The following MCTP2 variants were observed in gnomAD, a reference collection of about 807,000 sequenced individuals.
MCTP2 encodes the protein multiple C2 and transmembrane domain-containing protein 2.
A neutral mutation model predicts 111.6 loss-of-function variants in MCTP2; 132 were observed. The ratio of observed to expected loss-of-function variants is 1.18; its 90% CI spans 1.03 to 1.37. The LOEUF (loss-of-function observed/expected upper bound fraction) is 1.37, where lower values mean the gene tolerates loss of function less well. MCTP2 is among the 40% of genes most tolerant of loss of function. The pLI, the probability that MCTP2 is intolerant of heterozygous loss-of-function variation, is 0.00. For missense variants in MCTP2, 1,183 were observed against 1,067.9 expected, an observed-to-expected ratio of 1.11 and a Z score of -1.50; for synonymous variants, 395 against 387.7, an observed-to-expected ratio of 1.02 and a Z score of -0.22.
intron 19 of MCTP2, among the ~76,000 whole-genome samples, chr15:94,450,631 CTTAT>C (rs1362923283): frequency 6.6e-6 from 1 of 152,042 alleles, no homozygotes; most frequent in African/African-American, 2.4e-5. Context: ...CAAACATATT[CTTAT>C]TTAAAGTCTA....
At chr15:94,402,676 A>T (rs912747174) in intron 17 of MCTP2, 3 of 1,491,746 alleles carry the variant, frequency 2.0e-6, no homozygotes, top group Non-Finnish European at 2.7e-6. Context: ...TTCACTTTAT[A>T]TCTCAGGGCA....
intron 17 of MCTP2, among the ~76,000 whole-genome samples, chr15:94,421,664 C>A (rs2082636000): frequency 6.6e-6 from 1 of 152,106 alleles, no homozygotes; most frequent in Non-Finnish European, 1.5e-5. Flanking sequence ...TTGTTTCTGC[C>A]CTCATGTCTT....
intron 20 of MCTP2, among the ~76,000 whole-genome samples, chr15:94,463,095 G>A (rs778334232): frequency 8.6e-5 from 13 of 152,022 alleles, no homozygotes; most frequent in African/African-American, 1.9e-4. Flanking sequence ...TGAGTGTGTC[G>A]CCCAACTCCA....
intron 11 of MCTP2, 86 bp downstream of exon 11, chr15:94,367,877 TGAAAAACTACATCAAAA>T: frequency 8.4e-7 from 1 of 1,186,886 alleles, no homozygotes; most frequent in Non-Finnish European, 1.2e-6. Context: ...GTCTCTGAAT[TGAAAAACTACATCAAAA>T]GAGATCTTTG....
intron 20 of MCTP2, among the ~76,000 whole-genome samples, chr15:94,468,755 A>G (rs1047485395): frequency 6.6e-6 from 1 of 152,084 alleles, no homozygotes; most frequent in African/African-American, 2.4e-5. Flanking sequence ...CTGCCTCCCA[A>G]GTAGCTGAGA....
At chr15:94,443,047 CTTT>C (rs529237554) in intron 19 of MCTP2, 87 bp downstream of exon 19, 1,420 of 572,660 alleles carry the variant, frequency 2.5e-3, no homozygotes, top group South Asian at 3.3e-3. Flanking sequence ...TCTCTCCTCT[CTTT>C]TTTTTTTTTT....
intron 14 of MCTP2, among the ~76,000 whole-genome samples, chr15:94,388,328 A>T (rs932749028): frequency 3.9e-5 from 6 of 152,048 alleles, no homozygotes; most frequent in Admixed American, 2.6e-4. Context: ...GCTGCTGTTC[A>T]CTCTGTTTCA....
chr15:94,441,674 AC>A (rs1318660647), intron 18 of MCTP2, among the ~76,000 whole-genome samples: 5 of 152,232 alleles, frequency 3.3e-5, no homozygotes, highest in Non-Finnish European at 7.3e-5. Flanking sequence ...GGAGGCAAGA[AC>A]TATTTTCATT....
intron 17 of MCTP2, chr15:94,402,341 T>C: frequency 6.9e-7 from 1 of 1,446,506 alleles, no homozygotes; most frequent in East Asian, 2.5e-5. Context: ...AAAAATGGCA[T>C]CTGAAAAATC....
chr15:94,243,350 CATACGTATGCGTATATGCGTATGTACAT>C lies in MCTP2; in HGVS notation c.-66+11688_-66+11715del, dbSNP rs1567251304. ...GTATGCGTATATGCGTATGTACATA[CATACGTATGCGTATATGCGTATGTACAT>C]ACATACGTATGCGTATATGCGTATG... On this transcript the variant is annotated intron_variant, in intron 1 of 22. Coordinates refer to ENST00000357742, the MANE Select transcript of MCTP2 (RefSeq NM_001385001.1). Among the ~76,000 whole-genome samples the C allele has an allele frequency of 1.4e-3, 212 of 148,526 alleles. 33 individuals carry two copies. Among genetic ancestry groups the C allele is most frequent in the African/African-American group, 1.9e-3 (76 of 40,164 alleles).
intron 2 of MCTP2, among the ~76,000 whole-genome samples, chr15:94,312,651 G>A (rs1256310907): frequency 6.6e-6 from 1 of 152,240 alleles, no homozygotes; most frequent in Non-Finnish European, 1.5e-5. Flanking sequence ...GGGACTGATG[G>A]GGAAAGAGGC....
At chr15:94,309,694 G>T (rs891762343) in intron 2 of MCTP2, among the ~76,000 whole-genome samples, 4 of 152,166 alleles carry the variant, frequency 2.6e-5, no homozygotes, top group African/African-American at 9.7e-5. Context: ...TGCCATTCCA[G>T]TGTCTCCCCA....
intron 3 of MCTP2, 53 bp from the exon 4 acceptor site, chr15:94,315,476 C>A (rs2076337213): frequency 7.6e-7 from 1 of 1,322,168 alleles, no homozygotes; most frequent in Non-Finnish European, 1.1e-6. Flanking sequence ...TTCTGAAATT[C>A]TCTTGCTTGG....
intron 19 of MCTP2, among the ~76,000 whole-genome samples, chr15:94,457,711 A>G (rs2084923822): frequency 1.3e-5 from 2 of 152,190 alleles, no homozygotes; most frequent in African/African-American, 4.8e-5. Context: ...GAATCATACT[A>G]CCTCTGTCTC....
At chr15:94,273,827 T>G in intron 1 of MCTP2, 1 of 219,662 alleles carries the variant, frequency 4.6e-6, no homozygotes, top group Non-Finnish European at 1.0e-5. Context: ...GCAGGTGCAG[T>G]GTGAGAGGGC....
At chr15:94,355,602 G>A (rs1400923190) in intron 8 of MCTP2, among the ~76,000 whole-genome samples, 1 of 152,032 alleles carries the variant, frequency 6.6e-6, no homozygotes, top group Admixed American at 6.5e-5. Context: ...CATTTGGCCA[G>A]CTAGGCCACT....
At chr15:94,241,229 A>G (rs563627131) in intron 1 of MCTP2, among the ~76,000 whole-genome samples, 13 of 152,312 alleles carry the variant, frequency 8.5e-5, no homozygotes, top group African/African-American at 3.1e-4. Context: ...GGAAGAATGT[A>G]ACTAATACTC....
At chr15:94,249,120 A>G (rs756703348) in intron 1 of MCTP2, among the ~76,000 whole-genome samples, 5 of 152,240 alleles carry the variant, frequency 3.3e-5, no homozygotes, top group Admixed American at 6.5e-5. Context: ...ACACATAAGT[A>G]GGAGTTAAGA....
rs537136142 is a variant in MCTP2, at chr15:94,356,344, TAA to T, written c.1170+51_1170+52del. On this transcript the variant is annotated intron_variant, in intron 9 of 22. Transcript: ENST00000357742. Reference sequence around the variant, plus strand: ...CATAAGGAGAACAGTATCTTTAAAATAAAAAAAAATTAAAAATTGTTTCCCAC... The same window carrying T: ...CATAAGGAGAACAGTATCTTTAAAATAAAAAAATTAAAAATTGTTTCCCAC... The T allele has an allele frequency of 4.9e-6, 7 of 1,418,806 alleles. No individual in the cohort carries two copies. In the African/African-American group the frequency reaches 9.0e-5, roughly 18 times the overall value. The allele number at this position is 1,418,806 out of a possible 1,614,324, so 87.9% of individuals were successfully genotyped here.
Sources: gnomAD v4.1 joint callset for allele counts (sites outside exome capture counted in the v4.1 genomes callset) on GRCh38, gnomAD v4.1.1 for gene constraint, MANE v1.5 for transcripts, NCBI Gene and HGNC (gene_info 2026-07-23, HGNC 2026-07-21) for gene names.